Variants in CACNA1C observed in about 807,000 individuals in gnomAD.
CACNA1C encodes the protein calcium voltage-gated channel subunit alpha1 C, also known as voltage-dependent L-type calcium channel subunit alpha-1C.
Under a neutral mutation model 229.0 loss-of-function variants are expected in CACNA1C, and 30 were observed. The observed-to-expected ratio is 0.13, with a 90% CI of 0.10 to 0.18. The LOEUF (loss-of-function observed/expected upper bound fraction) is 0.18. Among genes scored for constraint, CACNA1C ranks in the 10% least tolerant of loss-of-function variants. The probability of loss-of-function intolerance (pLI) is 1.00; values close to 1 mark genes in which losing one functional copy is unlikely to be tolerated. For synonymous variants in CACNA1C, 1,114 were observed against 1,132.5 expected, an observed-to-expected ratio of 0.98 and a Z score of 0.33; for missense variants, 1,658 against 2,845.0, an observed-to-expected ratio of 0.58 and a Z score of 9.49.
chr12:1,981,275 A>G (rs2036047488), intron 1 of CACNA1C, among the ~76,000 whole-genome samples: 1 of 152,240 alleles, frequency 6.6e-6, no homozygotes, highest in South Asian at 2.1e-4. Context: ...CCTAATGGCT[A>G]ATGCTCCAAA....
At chr12:2,464,414 A>G (rs1355618196) in intron 5 of CACNA1C, among the ~76,000 whole-genome samples, 1 of 152,214 alleles carries the variant, frequency 6.6e-6, no homozygotes, top group Non-Finnish European at 1.5e-5. Flanking sequence ...TCTAGAGCAG[A>G]TAGTCAAAAT....
intron 3 of CACNA1C, among the ~76,000 whole-genome samples, chr12:2,136,501 G>A (rs1199884097): frequency 1.3e-5 from 2 of 151,382 alleles, no homozygotes; most frequent in African/African-American, 2.4e-5. Context: ...AGGTATAAAT[G>A]GGAGGGGTAT....
rs2069595058 is a variant in CACNA1C at position 2,240,662 on chromosome 12, C to T, written c.477+120232C>T. 2.0e-5 allele frequency among the ~76,000 whole-genome samples: 3 copies of T among 152,236 alleles called. No individual in the cohort carries two copies. In the East Asian group the frequency reaches 5.8e-4, roughly 29 times the overall value. On this transcript the variant is annotated intron_variant, in intron 3 of 46. Transcript: ENST00000399655. ...AGAGTGCCTGATATTGGTGACCTTG[C>T]TGCATGGCGGATGCTAATGGGTATT...
intron 3 of CACNA1C, among the ~76,000 whole-genome samples, chr12:2,306,251 G>A (rs2095011758): frequency 6.6e-6 from 1 of 152,236 alleles, no homozygotes; most frequent in Non-Finnish European, 1.5e-5. Flanking sequence ...CTCAGGCTCT[G>A]GTCCATGGTG....
chr12:2,225,801 T>C (rs747544319), intron 3 of CACNA1C, among the ~76,000 whole-genome samples: 3 of 152,190 alleles, frequency 2.0e-5, no homozygotes, highest in Non-Finnish European at 4.4e-5. Flanking sequence ...TGGGCCTTCA[T>C]TGAATTATGA....
At chr12:2,220,806 A>G (rs2061267406) in intron 3 of CACNA1C, 1 of 152,242 alleles carries the variant, frequency 6.6e-6, no homozygotes, top group Non-Finnish European at 1.5e-5. Flanking sequence ...AGGCACTTTG[A>G]CAGGCACTGA....
intron 3 of CACNA1C, among the ~76,000 whole-genome samples, chr12:2,344,255 G>A (rs780753204): frequency 2.0e-5 from 3 of 152,086 alleles, no homozygotes; most frequent in Non-Finnish European, 4.4e-5. Context: ...TAGAAGTTGT[G>A]GATAAGTTGA....
rs902169844 is a variant in CACNA1C, at chr12:2,463,152, G to A, written c.757+5446G>A. Among the ~76,000 whole-genome samples the A allele has an allele frequency of 3.9e-5, 6 of 152,184 alleles. No homozygotes were observed. The South Asian group carries it at 8.3e-4, about 21-fold the overall frequency. ...TCTCGATCTCCTGACCTCGTGATCT[G>A]CCCGCCTCAGCCTCCCAAAGTGCTG... On this transcript the variant is annotated intron_variant, in intron 5 of 46. Transcript: ENST00000399655.
chr12:2,548,152 G>A (rs1477703741), intron 9 of CACNA1C, among the ~76,000 whole-genome samples: 1 of 152,168 alleles, frequency 6.6e-6, no homozygotes, highest in African/African-American at 2.4e-5. Context: ...GGCTTCCTTA[G>A]TGTGGTTTGA....
chr12:2,283,997 T>TC (rs760833946), intron 3 of CACNA1C, among the ~76,000 whole-genome samples: 12 of 152,140 alleles, frequency 7.9e-5, no homozygotes, highest in Non-Finnish European at 1.8e-4. Context: ...GGCTTCCTTG[T>TC]CCACTGAAAA....
At position 2,271,710 on chromosome 12, in the gene CACNA1C, G is replaced by T. The variant is rs116951985; in HGVS notation, c.477+151280G>T. Among the ~76,000 whole-genome samples, 634 of 152,002 alleles carry T rather than the reference G, an allele frequency of 4.2e-3. 28 individuals carry two copies. In the East Asian group the frequency reaches 0.11, roughly 26 times the overall value. On this transcript the variant is annotated intron_variant, in intron 3 of 46. Coordinates refer to ENST00000399655, the MANE Select transcript of CACNA1C (RefSeq NM_000719.7). The stretch of plus-strand genomic sequence containing the variant: ...AGCCCAGGAGTTTGACACCAGCCTG[G>T]GAAACATAGTGAACCCCATCTCTAC...
In CACNA1C at chr12:2,029,583, A is replaced by G. The variant is rs1239437478; in HGVS notation, c.139+58382A>G. Among the ~76,000 whole-genome samples, 4 of 152,202 alleles carry G rather than the reference A, an allele frequency of 2.6e-5. No homozygotes were observed. Among genetic ancestry groups the G allele is most frequent in the Non-Finnish European group, 4.4e-5 (3 of 68,036 alleles). On this transcript the variant is annotated intron_variant, in intron 1 of 46. Transcript: ENST00000682462. This position sits in a 1 kb window ranked among gnomAD's most constrained non-coding sequence, Gnocchi z 4.9. ...CATAATGTTTTCGAGGTTCATCCAC[A>G]TTGTAGCATAAATCAATATTTCATT...
chr12:2,381,936 T>C (rs2098259419), intron 3 of CACNA1C, among the ~76,000 whole-genome samples: 1 of 152,194 alleles, frequency 6.6e-6, no homozygotes, highest in African/African-American at 2.4e-5. Context: ...TGCAGATGGA[T>C]CCCAGGGACA....
chr12:1,977,270 T>C (rs2034686361), intron 1 of CACNA1C, among the ~76,000 whole-genome samples: 1 of 152,164 alleles, frequency 6.6e-6, no homozygotes, highest in Admixed American at 6.5e-5. Flanking sequence ...TGCTCGGCCA[T>C]GATGAGGGTG....
At chr12:2,446,149 ATAGG>A (rs1392945747) in intron 3 of CACNA1C, among the ~76,000 whole-genome samples, 3 of 150,644 alleles carry the variant, frequency 2.0e-5, no homozygotes, top group Non-Finnish European at 4.4e-5. Context: ...GGATAAATGT[ATAGG>A]TAGGTAGGTG....
Position 2,647,712 on chromosome 12 carries a change from T to C in CACNA1C, c.3913-763T>C, listed in dbSNP as rs2094496008. On this transcript the variant is annotated intron_variant, in intron 30 of 46. Transcript: ENST00000399655. The surrounding 1 kb of genome is among the most constrained non-coding windows in gnomAD (Gnocchi z 4.2). ...TGCCCTTGCTTTGTTTAAATATATG[T>C]GGGCAAGGATAGGCTCTGGGGTCAG... Among the ~76,000 whole-genome samples the C allele has an allele frequency of 6.6e-6, 1 of 152,176 alleles. No individual in the cohort carries two copies. Among genetic ancestry groups the C allele is most frequent in the African/African-American group, 2.4e-5 (1 of 41,438 alleles).
At chr12:2,004,672 T>A (rs1285260383) in intron 1 of CACNA1C, 1 of 536,832 alleles carries the variant, frequency 1.9e-6, no homozygotes, top group Admixed American at 3.6e-5. Flanking sequence ...GCCTGCCCTC[T>A]GCATCCCGTT....
chr12:2,007,241 T>G (rs1333569925), intron 1 of CACNA1C, among the ~76,000 whole-genome samples: 1 of 152,250 alleles, frequency 6.6e-6, no homozygotes, highest in East Asian at 1.9e-4. Flanking sequence ...TTTTGTCTGT[T>G]AAGTTCCATG....
chr12:2,318,596 T>A lies in CACNA1C; in HGVS notation c.478-130380T>A, dbSNP rs1453123277. ...GGGGCGCAGAGTCTAGAGAAGGCTC[T>A]GCTAAGGGTCCCAGAAATCAGAGGA... On this transcript the variant is annotated intron_variant, in intron 3 of 46. Transcript: ENST00000399655. Among the ~76,000 whole-genome samples, 4 of 152,358 alleles carry A rather than the reference T, an allele frequency of 2.6e-5. No individual in the cohort carries two copies. In the South Asian group the frequency reaches 6.2e-4, roughly 24 times the overall value.
Sources: allele counts gnomAD v4.1 joint callset (sites outside exome capture counted in the v4.1 genomes callset), GRCh38; gene constraint gnomAD v4.1.1; non-coding constraint Gnocchi (gnomAD v3.1); transcripts MANE v1.5; gene names NCBI Gene and HGNC (gene_info 2026-07-23, HGNC 2026-07-21).